The following MME variants were observed in gnomAD, a reference collection of about 807,000 sequenced individuals.
The protein encoded by MME is membrane metalloendopeptidase.
In MME, 98 loss-of-function variants were observed where a neutral mutation model predicts 113.2. The observed-to-expected ratio is 0.87, with a 90% CI of 0.74 to 1.02. MME has a LOEUF of 1.02. Ranked by LOEUF, MME falls within the 50% of genes least tolerant of loss-of-function variation. The probability of loss-of-function intolerance (pLI) is 0.00; values close to 1 mark genes in which losing one functional copy is unlikely to be tolerated. For missense variants in MME, 836 were observed against 896.0 expected (o/e 0.93, Z 0.86); for synonymous variants, 292 against 300.6 (o/e 0.97, Z 0.30).
At chr3:155,162,463 G>T (rs953044377) in intron 17 of MME, among the ~76,000 whole-genome samples, 7 of 152,038 alleles carry the variant, frequency 4.6e-5, no homozygotes, top group African/African-American at 1.4e-4. Context: ...GGTAAATCAA[G>T]AATTAGCTAT....
At position 155,086,656 on chromosome 3, in the gene MME, A is replaced by T. The variant is rs554921003; in HGVS notation, c.196+1562A>T. ...TTTCTTCAAGAAAAAGGAAGGTGGT[A>T]GCTGAGGGCAGCACCTGGGATATGA... On this transcript the variant is annotated intron_variant, in intron 3 of 22. Transcript: ENST00000360490. Among the ~76,000 whole-genome samples the T allele has an allele frequency of 2.6e-3, 403 of 152,318 alleles. 3 individuals carry two copies. The highest frequency in any genetic ancestry group is 4.3e-3 in the Non-Finnish European group (294 of 68,028).
At chr3:155,136,592 A>G (rs1720653798) in intron 8 of MME, among the ~76,000 whole-genome samples, 1 of 152,214 alleles carries the variant, frequency 6.6e-6, no homozygotes, top group Non-Finnish European at 1.5e-5. Flanking sequence ...ATAGAATACC[A>G]GTATATAAAC....
At chr3:155,121,447 C>A (rs1719122875) in intron 8 of MME, among the ~76,000 whole-genome samples, 1 of 150,148 alleles carries the variant, frequency 6.7e-6, no homozygotes. Context: ...GAACTTCCAA[C>A]ACTATGTTGA....
intron 3 of MME, among the ~76,000 whole-genome samples, chr3:155,101,979 C>T (rs1002795461): frequency 1.3e-5 from 2 of 152,080 alleles, no homozygotes; most frequent in Non-Finnish European, 2.9e-5. Flanking sequence ...TCCTGCTTGT[C>T]CTTCACCTAT....
rs368999587 is a variant in MME, at chr3:155,172,624, T to G, written c.2153+12T>G. 2 of 1,596,308 alleles carry G rather than the reference T, an allele frequency of 1.3e-6. No homozygotes were observed. Among genetic ancestry groups the G allele is most frequent in the Non-Finnish European group, 1.7e-6 (2 of 1,164,194 alleles). On this transcript the variant is annotated intron_variant, in intron 22 of 22. Coordinates refer to ENST00000360490, the MANE Select transcript of MME (RefSeq NM_007289.4). The stretch of plus-strand genomic sequence containing the variant: ...CCAGGCAATTTCAGGTGCGTGGATA[T>G]GAACAGCAATCAAGGTGCTCTTATA...
At chr3:155,156,544 G>A (rs568260701) in intron 16 of MME, among the ~76,000 whole-genome samples, 105 of 152,192 alleles carry the variant, frequency 6.9e-4, no homozygotes, top group African/African-American at 2.5e-3. Flanking sequence ...GTAGTTTGTA[G>A]GTGTATTAGG....
chr3:155,136,819 A>G (rs895023627), intron 8 of MME, among the ~76,000 whole-genome samples: 1 of 152,218 alleles, frequency 6.6e-6, no homozygotes, highest in African/African-American at 2.4e-5. Flanking sequence ...ATGTTAAAGC[A>G]CATTATAGCA....
At chr3:155,112,118 C>T (rs9853221) in intron 3 of MME, among the ~76,000 whole-genome samples, 26,022 of 152,022 alleles carry the variant, frequency 0.17, 2,391 homozygotes, top group African/African-American at 0.23. Context: ...CAAGTCTTGA[C>T]TGAGCACAGT....
chr3:155,078,847 AT>A (rs1397038194), upstream of MME, among the ~76,000 whole-genome samples: 1 of 151,976 alleles, frequency 6.6e-6, no homozygotes, highest in Non-Finnish European at 1.5e-5. Flanking sequence ...TGCCTAAAGT[AT>A]TTATTTCCTT....
chr3:155,045,161 T>G (rs1422347105), intron 1 of MME, among the ~76,000 whole-genome samples: 1 of 152,012 alleles, frequency 6.6e-6, no homozygotes, highest in Non-Finnish European at 1.5e-5. Context: ...AAGACTTTTT[T>G]TTTTTTTTCA....
chr3:155,038,742 A>G (rs1713211136), intron 1 of MME, among the ~76,000 whole-genome samples: 1 of 152,144 alleles, frequency 6.6e-6, no homozygotes, highest in African/African-American at 2.4e-5. Context: ...ACTCATGCTT[A>G]CCATAGATCT....
intron 22 of MME, 104 bp downstream of exon 22, chr3:155,172,716 T>C: frequency 1.1e-6 from 1 of 889,578 alleles, no homozygotes; most frequent in South Asian, 1.4e-5. Context: ...CATTTGGAAA[T>C]TCAGTGCTTT....
chr3:155,075,420 A>G (rs1714713756), upstream of MME, among the ~76,000 whole-genome samples: 1 of 152,076 alleles, frequency 6.6e-6, no homozygotes, highest in Non-Finnish European at 1.5e-5. Flanking sequence ...AATTATATTT[A>G]TTGCAATTAA....
chr3:155,068,619 T>C (rs1474812249), intron 1 of MME, among the ~76,000 whole-genome samples: 4 of 152,208 alleles, frequency 2.6e-5, no homozygotes, highest in African/African-American at 9.7e-5. Flanking sequence ...TAGCATGTGC[T>C]AAAGTAGCAC....
intron 1 of MME, among the ~76,000 whole-genome samples, chr3:155,041,860 C>T (rs1713333739): frequency 6.6e-6 from 1 of 152,060 alleles, no homozygotes; most frequent in African/African-American, 2.4e-5. Context: ...TGTATATGAA[C>T]CTAAGTTACT....
At chr3:155,041,671 A>G (rs1178662233) in intron 1 of MME, among the ~76,000 whole-genome samples, 1 of 152,208 alleles carries the variant, frequency 6.6e-6, no homozygotes, top group Non-Finnish European at 1.5e-5. Flanking sequence ...AAGTTGTCGT[A>G]AAACTCCAGG....
At position 155,168,633 on chromosome 3, in the gene MME, A is replaced by G; in HGVS notation, c.1914+8A>G. 6.2e-7 allele frequency: 1 copy of G among 1,613,814 alleles called. No homozygotes were observed. Among genetic ancestry groups the G allele is most frequent in the Admixed American group, 1.7e-5 (1 of 59,994 alleles). On this transcript the variant is annotated splice_region_variant and intron_variant, in intron 19 of 22. Transcript: ENST00000360490. ...CTGGCAGGTGGACAGCACGTATGTC[A>G]TTAGCATTCTCTTGAAAAGTTTTAG...
chr3:155,046,621 C>T (rs1024989376), intron 1 of MME, among the ~76,000 whole-genome samples: 2 of 152,132 alleles, frequency 1.3e-5, no homozygotes, highest in Non-Finnish European at 2.9e-5. Flanking sequence ...ACCCAGGAGG[C>T]AGAGGTTTCA....
rs573887422 is a variant in MME, at chr3:155,047,744, A to AT, written c.-11+23429dup. 4.4e-3 allele frequency among the ~76,000 whole-genome samples: 662 copies of AT among 151,106 alleles called. 1 individual carries two copies. Among genetic ancestry groups the AT allele is most frequent in the South Asian group, 0.014 (67 of 4,810 alleles). On this transcript the variant is annotated intron_variant, in intron 1 of 22. Transcript: ENST00000492661. The stretch of plus-strand genomic sequence containing the variant: ...TTCTTGGTTCTCTGTATGTAGGATA[A>AT]TTTTTTTTTATTGTATCCTTAACAT...
Sources: allele counts gnomAD v4.1 joint callset (sites outside exome capture counted in the v4.1 genomes callset), GRCh38; gene constraint gnomAD v4.1.1; transcripts MANE v1.5; gene names NCBI Gene and HGNC (gene_info 2026-07-23, HGNC 2026-07-21).